TMED8: variants seen among roughly 807,000 people sequenced by gnomAD.
TMED8 encodes the protein protein TMED8.
A neutral mutation model predicts 32.7 loss-of-function variants in TMED8; 15 were observed. The ratio of observed to expected loss-of-function variants is 0.46; its 90% CI spans 0.31 to 0.71. The LOEUF (loss-of-function observed/expected upper bound fraction) is 0.71. TMED8 is among the 30% of genes least tolerant of loss of function. The probability of loss-of-function intolerance (pLI) is 0.06; values close to 1 mark genes in which losing one functional copy is unlikely to be tolerated. For missense variants in TMED8, 390 were observed against 423.9 expected (o/e 0.92, Z 0.70); for synonymous variants, 147 against 161.4 (o/e 0.91, Z 0.68).
At chr14:77,374,330 G>A (rs940903968) in intron 1 of TMED8, among the ~76,000 whole-genome samples, 4 of 152,204 alleles carry the variant, frequency 2.6e-5, no homozygotes, top group Admixed American at 6.5e-5. Flanking sequence ...CACTGCTTTG[G>A]AAGCCCAGCT....
chr14:77,349,438 A>ACCTCAACTCTCAGAATCCTCACTCTGC (rs1893130049), intron 2 of TMED8, among the ~76,000 whole-genome samples: 1 of 151,802 alleles, frequency 6.6e-6, no homozygotes, highest in Admixed American at 6.6e-5. Flanking sequence ...TTGCACTCTG[A>ACCTCAACTCTCAGAATCCTCACTCTGC]CCTCACCTCT....
At chr14:77,372,931 T>C (rs866384226) in intron 1 of TMED8, among the ~76,000 whole-genome samples, 13 of 33,578 alleles carry the variant, frequency 3.9e-4, no homozygotes, top group African/African-American at 2.3e-3. Flanking sequence ...TATATATATA[T>C]ATATATATAT....
intron 1 of TMED8, among the ~76,000 whole-genome samples, chr14:77,357,502 T>C (rs538990585): frequency 3.9e-5 from 6 of 152,374 alleles, no homozygotes; most frequent in Admixed American, 1.3e-4. Flanking sequence ...ACTATTTGGC[T>C]ACTCTGACAC....
intron 1 of TMED8, among the ~76,000 whole-genome samples, chr14:77,373,917 C>T (rs940618538): frequency 1.3e-5 from 2 of 152,186 alleles, no homozygotes; most frequent in African/African-American, 2.4e-5. Context: ...CTCTCTCACT[C>T]CCAACTCTCG....
intron 1 of TMED8, among the ~76,000 whole-genome samples, chr14:77,367,032 G>A (rs562905815): frequency 1.3e-5 from 2 of 152,032 alleles, no homozygotes; most frequent in East Asian, 3.9e-4. Context: ...ATGGCTTGAG[G>A]TCAGGAGTTC....
At chr14:77,354,508 A>C (rs771535982) in intron 1 of TMED8, among the ~76,000 whole-genome samples, 25 of 152,240 alleles carry the variant, frequency 1.6e-4, no homozygotes, top group Admixed American at 3.3e-4. Flanking sequence ...CTACCCTTCC[A>C]GACTTTATTT....
intron 2 of TMED8, among the ~76,000 whole-genome samples, chr14:77,351,411 A>ATTTTTTTTTTTTTTTTTTTTTT (rs1181134385): frequency 9.8e-6 from 1 of 102,134 alleles, no homozygotes; most frequent in Non-Finnish European, 1.8e-5. Context: ...CGCCCCGCTA[A>ATTTTTTTTTTTTTTTTTTTTTT]TTTTTTTTTT....
At position 77,342,025 on chromosome 14, in the gene TMED8, G is replaced by GT. The variant is rs756758735; in HGVS notation, c.761-38dup. The stretch of plus-strand genomic sequence containing the variant: ...AAATGGCAAAGTGTTCAGAGACTGC[G>GT]TAAGTCCTGCCTGAAGGTGAGCGGA... On this transcript the variant is annotated intron_variant, in intron 5 of 5. Transcript: ENST00000216468. 14 of 1,594,108 alleles carry GT rather than the reference G, an allele frequency of 8.8e-6. No homozygotes were observed. In the East Asian group the frequency reaches 2.9e-4, roughly 33 times the overall value.
At chr14:77,372,933 TA>T (rs1566696387) in intron 1 of TMED8, among the ~76,000 whole-genome samples, 34 of 34,434 alleles carry the variant, frequency 9.9e-4, no homozygotes, top group Non-Finnish European at 1.5e-3. Context: ...TATATATATA[TA>T]TATATATATA....
intron 1 of TMED8, among the ~76,000 whole-genome samples, chr14:77,364,272 C>T (rs986175626): frequency 9.2e-5 from 14 of 152,214 alleles, no homozygotes; most frequent in African/African-American, 3.1e-4. Flanking sequence ...GTGATCACAG[C>T]TCACTGCAGC....
intron 1 of TMED8, among the ~76,000 whole-genome samples, chr14:77,375,393 T>C (rs905030457): frequency 6.6e-6 from 1 of 152,090 alleles, no homozygotes; most frequent in African/African-American, 2.4e-5. Flanking sequence ...CATAAACACA[T>C]GAGAACCTAA....
At position 77,346,373 on chromosome 14, in the gene TMED8, T is replaced by C. The variant is rs756366439; in HGVS notation, c.303A>G (p.Ala101=). Reference sequence around the variant, plus strand: ...CCTCATTGAGGACCTGGGCCTGGTCTGCAGGCAGCAAATCCTGTTTCACCA... The same window carrying C: ...CCTCATTGAGGACCTGGGCCTGGTCCGCAGGCAGCAAATCCTGTTTCACCA... The part of the protein sequence containing the change: ...QALVKQDLLP[A]DQAQVLNEMA... The change falls in exon 3 of 6, where the codon GCA becomes GCG. Residue 101 remains alanine (A), a synonymous_variant. Transcript: ENST00000216468. The C allele has an allele frequency of 8.7e-6, 14 of 1,614,092 alleles. 1 individual carries two copies. In the Admixed American group the frequency reaches 2.2e-4, roughly 25 times the overall value.
In TMED8 at chr14:77,376,884, G is replaced by A; in HGVS notation, c.118+52C>T. On this transcript the variant is annotated intron_variant, in intron 1 of 5. Transcript: ENST00000216468. This position sits in a 1 kb window ranked among gnomAD's most constrained non-coding sequence, Gnocchi z 4.0. ...GCGGCGGAGGCTCGCGCCGTGGTGCGGGGCCCTGAGGCCGGGCGGCACCCA... is the reference window on the plus strand; with the variant it reads ...GCGGCGGAGGCTCGCGCCGTGGTGCAGGGCCCTGAGGCCGGGCGGCACCCA... 2 of 1,150,500 alleles carry A rather than the reference G, an allele frequency of 1.7e-6. No individual in the cohort carries two copies. Among genetic ancestry groups the A allele is most frequent in the Non-Finnish European group, 2.3e-6 (2 of 873,934 alleles). 71.3% of individuals were successfully genotyped at this position (1,150,500 alleles called of 1,614,324 possible). A position where few individuals can be genotyped will look rare whatever the true frequency, so the allele number is the denominator to read the frequency against.
intron 2 of TMED8, among the ~76,000 whole-genome samples, chr14:77,348,385 G>A (rs1893099621): frequency 6.6e-6 from 1 of 151,990 alleles, no homozygotes; most frequent in Non-Finnish European, 1.5e-5. Context: ...ACCACACCCA[G>A]CTAATTTTTT....
At chr14:77,355,172 G>A (rs1344247952) in intron 1 of TMED8, among the ~76,000 whole-genome samples, 3 of 149,066 alleles carry the variant, frequency 2.0e-5, no homozygotes, top group African/African-American at 7.4e-5. Context: ...GTGTGTGTGT[G>A]TTTCTGAAAG....
At chr14:77,367,909 G>C (rs1422079406) in intron 1 of TMED8, among the ~76,000 whole-genome samples, 2 of 152,138 alleles carry the variant, frequency 1.3e-5, no homozygotes, top group African/African-American at 4.8e-5. Flanking sequence ...GGCCAGGTTG[G>C]TCTCAAAATC....
rs182160548 is a variant in TMED8 at position 77,360,441 on chromosome 14, C to T, written c.119-8690G>A. On this transcript the variant is annotated intron_variant, in intron 1 of 5. Transcript: ENST00000216468. Reference sequence around the variant, plus strand: ...TTTAGATTACATATATAAGAGAGATCGAGCAGTATTTTTCTTTTTGTGTCT... The same window carrying T: ...TTTAGATTACATATATAAGAGAGATTGAGCAGTATTTTTCTTTTTGTGTCT... Among the ~76,000 whole-genome samples the T allele has an allele frequency of 1.8e-3, 280 of 151,630 alleles. 1 individual carries two copies. The highest frequency in any genetic ancestry group is 3.0e-3 in the Non-Finnish European group (203 of 67,908).
At chr14:77,368,564 G>A (rs749096031) in intron 1 of TMED8, among the ~76,000 whole-genome samples, 7 of 152,104 alleles carry the variant, frequency 4.6e-5, no homozygotes, top group African/African-American at 1.7e-4. Flanking sequence ...TGCAACCTCC[G>A]CCTCCTGGGT....
intron 2 of TMED8, among the ~76,000 whole-genome samples, chr14:77,350,110 T>C (rs568531195): frequency 6.6e-6 from 1 of 152,316 alleles, no homozygotes; most frequent in East Asian, 1.9e-4. Flanking sequence ...TTGCTGTCCT[T>C]TTCTGTGTGG....
Sources: allele counts gnomAD v4.1 joint callset (sites outside exome capture counted in the v4.1 genomes callset), GRCh38; gene constraint gnomAD v4.1.1; non-coding constraint Gnocchi (gnomAD v3.1); transcripts MANE v1.5; gene names NCBI Gene and HGNC (gene_info 2026-07-23, HGNC 2026-07-21).